Variants in PPP2R2A observed in about 807,000 individuals in gnomAD.
The protein encoded by PPP2R2A is protein phosphatase 2 regulatory subunit Balpha, also known as serine/threonine-protein phosphatase 2A 55 kDa regulatory subunit B alpha isoform.
Under a neutral mutation model 53.2 loss-of-function variants are expected in PPP2R2A, and 9 were observed. The observed-to-expected ratio is 0.17, with a 90% CI of 0.10 to 0.30. The LOEUF (loss-of-function observed/expected upper bound fraction) is 0.30, where lower values mean the gene tolerates loss of function less well. Among genes scored for constraint, PPP2R2A ranks in the 10% least tolerant of loss-of-function variants. The pLI is 1.00. For missense variants in PPP2R2A, 235 were observed against 534.6 expected (o/e 0.44, Z 5.53); for synonymous variants, 169 against 174.2 (o/e 0.97, Z 0.23).
chr8:26,340,104 A>G (rs1414099837), intron 3 of PPP2R2A: 1 of 152,042 alleles, frequency 6.6e-6, no homozygotes, highest in Non-Finnish European at 1.5e-5. Flanking sequence ...TTTGCTTGAC[A>G]AAGAATGGTC....
chr8:26,319,143 C>T (rs1802707288), intron 2 of PPP2R2A, among the ~76,000 whole-genome samples: 1 of 152,172 alleles, frequency 6.6e-6, no homozygotes, highest in African/African-American at 2.4e-5. Context: ...TAGCGTATGT[C>T]AGAATTTTCT....
intron 2 of PPP2R2A, among the ~76,000 whole-genome samples, chr8:26,328,931 T>A (rs527793316): frequency 2.6e-5 from 4 of 152,334 alleles, no homozygotes; most frequent in African/African-American, 9.6e-5. Flanking sequence ...ACACATCTGA[T>A]ACATAATTTG....
chr8:26,296,256 C>G (rs184451535), intron 2 of PPP2R2A, among the ~76,000 whole-genome samples: 1 of 152,312 alleles, frequency 6.6e-6, no homozygotes, highest in East Asian at 1.9e-4. Context: ...ATCACTGTAT[C>G]CACTGGATTA....
chr8:26,317,013 G>A (rs971905684), intron 2 of PPP2R2A, among the ~76,000 whole-genome samples: 2 of 152,208 alleles, frequency 1.3e-5, no homozygotes, highest in African/African-American at 4.8e-5. Flanking sequence ...TTGAAACTAA[G>A]ACAAAGGATT....
chr8:26,294,926 G>A (rs1276332824), intron 2 of PPP2R2A, among the ~76,000 whole-genome samples: 1 of 152,188 alleles, frequency 6.6e-6, no homozygotes, highest in Non-Finnish European at 1.5e-5. Context: ...AAACAAAAGA[G>A]ACTGACTGAT....
intron 2 of PPP2R2A, among the ~76,000 whole-genome samples, chr8:26,317,128 C>T (rs1391533196): frequency 6.6e-6 from 1 of 152,208 alleles, no homozygotes; most frequent in African/African-American, 2.4e-5. Flanking sequence ...CTGCCTACCC[C>T]AGAGGTCATT....
intron 2 of PPP2R2A, among the ~76,000 whole-genome samples, chr8:26,324,948 C>T (rs929988646): frequency 6.6e-6 from 1 of 150,914 alleles, no homozygotes; most frequent in Non-Finnish European, 1.5e-5. Flanking sequence ...TTTGTTTTGG[C>T]CAATTTATCC....
chr8:26,364,887 C>A (rs1805286477), intron 8 of PPP2R2A, among the ~76,000 whole-genome samples: 1 of 152,122 alleles, frequency 6.6e-6, no homozygotes, highest in Admixed American at 6.5e-5. Flanking sequence ...AGGGCCAAAA[C>A]TTCACGTGTG....
chr8:26,335,969 C>G (rs763740160), intron 2 of PPP2R2A, among the ~76,000 whole-genome samples: 12 of 152,242 alleles, frequency 7.9e-5, no homozygotes, highest in Non-Finnish European at 1.6e-4. Flanking sequence ...ATCTTGCAAT[C>G]AAGTCTTTTT....
intron 2 of PPP2R2A, among the ~76,000 whole-genome samples, chr8:26,322,440 T>C (rs1206234847): frequency 6.6e-6 from 1 of 152,208 alleles, no homozygotes; most frequent in Non-Finnish European, 1.5e-5. Context: ...TGGACAGTGC[T>C]GTGGTAGAGT....
At position 26,362,991 on chromosome 8, in the gene PPP2R2A, A is replaced by G. The variant is rs115108226; in HGVS notation, c.802+143A>G. On this transcript the variant is annotated intron_variant, in intron 7 of 9. Coordinates refer to ENST00000380737, the MANE Select transcript of PPP2R2A (RefSeq NM_002717.4). The surrounding 1 kb of genome is among the most constrained non-coding windows in gnomAD (Gnocchi z 4.4). ...CACTTGTACCCTTGGTAATCTGCCTACCTCCTCATGAGGCATTCCAGGTTA... is the reference window on the plus strand; with the variant it reads ...CACTTGTACCCTTGGTAATCTGCCTGCCTCCTCATGAGGCATTCCAGGTTA... The G allele has an allele frequency of 4.2e-4, 302 of 711,694 alleles. 1 individual carries two copies. The highest frequency in any genetic ancestry group is 4.1e-3 in the African/African-American group (231 of 55,722). 44.1% of individuals were successfully genotyped at this position (711,694 alleles called of 1,614,324 possible). A position where few individuals can be genotyped will look rare whatever the true frequency, so the allele number is the denominator to read the frequency against.
intron 2 of PPP2R2A, among the ~76,000 whole-genome samples, chr8:26,304,123 G>A (rs1801909703): frequency 6.6e-6 from 1 of 152,182 alleles, no homozygotes; most frequent in Non-Finnish European, 1.5e-5. Context: ...TCTAAATTTG[G>A]AAGAATCAAG....
chr8:26,330,307 CTTTTT>C (rs11351968), intron 2 of PPP2R2A, among the ~76,000 whole-genome samples: 7 of 129,988 alleles, frequency 5.4e-5, no homozygotes, highest in African/African-American at 2.1e-4. Context: ...ATTCTTTTTT[CTTTTT>C]TTTTTTTTTT....
intron 2 of PPP2R2A, among the ~76,000 whole-genome samples, chr8:26,335,941 A>C (rs1012707072): frequency 6.6e-6 from 1 of 152,352 alleles, no homozygotes; most frequent in African/African-American, 2.4e-5. Context: ...ATTGGAGCAA[A>C]TGTCTTGTTT....
In PPP2R2A at chr8:26,370,484, T is replaced by C; in HGVS notation, c.*71T>C. The C allele has an allele frequency of 6.5e-7, 1 of 1,533,098 alleles. No homozygotes were observed. Among genetic ancestry groups the C allele is most frequent in the South Asian group, 1.2e-5 (1 of 83,350 alleles). The allele number at this position is 1,533,098 out of a possible 1,614,324, so 95.0% of individuals were successfully genotyped here. A position where few individuals can be genotyped will look rare whatever the true frequency, so the allele number is the denominator to read the frequency against. On this transcript the variant is annotated 3_prime_UTR_variant, in exon 10 of 10. Coordinates refer to ENST00000380737, the MANE Select transcript of PPP2R2A (RefSeq NM_002717.4). This position sits in a 1 kb window ranked among gnomAD's most constrained non-coding sequence, Gnocchi z 6.1. ...TAGTTGAATCTAGCATTCGTTCCTA[T>C]AAAAGAGAGAGGTCCATTGTGGCGC...
chr8:26,333,886 C>G (rs1471997023), intron 2 of PPP2R2A, among the ~76,000 whole-genome samples: 1 of 152,130 alleles, frequency 6.6e-6, no homozygotes, highest in African/African-American at 2.4e-5. Context: ...TGAAACCTGC[C>G]TGGGTGCTGA....
chr8:26,308,613 C>T lies in PPP2R2A; in HGVS notation c.82+14873C>T, dbSNP rs139155836. Among the ~76,000 whole-genome samples the T allele has an allele frequency of 5.6e-3, 855 of 152,314 alleles. 6 individuals carry two copies. Among genetic ancestry groups the T allele is most frequent in the Middle Eastern group, 0.027 (8 of 294 alleles). On this transcript the variant is annotated intron_variant, in intron 2 of 9. Coordinates refer to ENST00000380737, the MANE Select transcript of PPP2R2A (RefSeq NM_002717.4). Reference sequence around the variant, plus strand: ...GCTCCACTTCTAATTCTAGTTCTCTCGCTATTTCCACTACTTCTGCAGTTA... The same window carrying T: ...GCTCCACTTCTAATTCTAGTTCTCTTGCTATTTCCACTACTTCTGCAGTTA...
chr8:26,299,992 CCTCA>C (rs761057581), intron 2 of PPP2R2A, among the ~76,000 whole-genome samples: 1 of 152,166 alleles, frequency 6.6e-6, no homozygotes, highest in Admixed American at 6.5e-5. Flanking sequence ...GTCTAGTAGA[CCTCA>C]CTCAGTACAG....
chr8:26,356,924 C>T (rs558309138), intron 4 of PPP2R2A, among the ~76,000 whole-genome samples: 15 of 152,238 alleles, frequency 9.9e-5, no homozygotes, highest in Non-Finnish European at 1.6e-4. Flanking sequence ...CCGATTACAA[C>T]GTCTATGGAT....
Sources: allele counts gnomAD v4.1 joint callset (sites outside exome capture counted in the v4.1 genomes callset), GRCh38; gene constraint gnomAD v4.1.1; non-coding constraint Gnocchi (gnomAD v3.1); transcripts MANE v1.5; gene names NCBI Gene and HGNC (gene_info 2026-07-23, HGNC 2026-07-21).